Variants in ZNF676 observed in about 807,000 individuals in gnomAD.
ZNF676 encodes the protein zinc finger protein 676.
A neutral mutation model predicts 6.0 loss-of-function variants in ZNF676; 4 were observed. That is an observed-to-expected ratio of 0.67 (90% CI 0.33 to 1.53). The LOEUF (loss-of-function observed/expected upper bound fraction) is 1.53. Among genes scored for constraint, ZNF676 ranks in the 40% most tolerant of loss-of-function variants. The pLI is 0.06. For missense variants in ZNF676, 644 were observed against 679.7 expected (o/e 0.95, Z 0.58); for synonymous variants, 198 against 223.1 (o/e 0.89, Z 1.00).
At position 22,180,456 on chromosome 19, in the gene ZNF676, A is replaced by T. The variant is rs2023719023; in HGVS notation, c.1261T>A (p.Tyr421Asn). Residue 421 changes from tyrosine to asparagine, a missense_variant, in exon 3 of 3, where the codon TAC (tyrosine) becomes AAC (asparagine). This residue lies in a region of ZNF676 where 306 missense variants were observed against 265.4 expected (regional missense o/e 1.15). Transcript: ENST00000397121. ...GCTTTGCCACATTCTTCACACTTGT[A>T]GGGTTTCTCTCCAGTATGAATTCTC... ...HKRIHTGEKP[Y>N]KCEECGKAFS... 1 of 1,611,734 alleles carries T rather than the reference A, an allele frequency of 6.2e-7. No homozygotes were observed. The highest frequency in any genetic ancestry group is 8.5e-7 in the Non-Finnish European group (1 of 1,179,676).
chr19:22,221,733 A>G, the ZNF676 span, among the ~76,000 whole-genome samples: 1 of 137,142 alleles, frequency 7.3e-6, no homozygotes, highest in African/African-American at 2.8e-5. Context: ...CCTTGGTGAC[A>G]GAGCAAGACT....
upstream of ZNF676, among the ~76,000 whole-genome samples, chr19:22,217,321 G>A (rs1365046150): frequency 2.0e-5 from 3 of 152,162 alleles, no homozygotes; most frequent in African/African-American, 7.2e-5. Context: ...TCCTGCCTCA[G>A]CCTTCCCGAG....
At chr19:22,212,354 T>C (rs1363798107) in intron 1 of ZNF676, among the ~76,000 whole-genome samples, 1 of 152,130 alleles carries the variant, frequency 6.6e-6, no homozygotes, top group Non-Finnish European at 1.5e-5. Context: ...ATGCCCTTTG[T>C]AAATATTTTC....
the ZNF676 span, among the ~76,000 whole-genome samples, chr19:22,251,955 T>C: frequency 6.6e-6 from 1 of 152,238 alleles, no homozygotes; most frequent in African/African-American, 2.4e-5. Flanking sequence ...TTTACTTTAC[T>C]GTTGTGGATT....
At chr19:22,207,705 T>C (rs1165115808) in intron 1 of ZNF676, among the ~76,000 whole-genome samples, 1 of 152,030 alleles carries the variant, frequency 6.6e-6, no homozygotes, top group Non-Finnish European at 1.5e-5. Flanking sequence ...TACACAACAG[T>C]GCTACAGTAA....
At chr19:22,198,424 A>G (rs1477331089), upstream of ZNF676, among the ~76,000 whole-genome samples, 3 of 152,224 alleles carry the variant, frequency 2.0e-5, no homozygotes, top group African/African-American at 7.2e-5. Flanking sequence ...AAACACAGGT[A>G]CACAGAAGTA....
chr19:22,218,294 G>A (rs1412949557), upstream of ZNF676, among the ~76,000 whole-genome samples: 1 of 151,882 alleles, frequency 6.6e-6, no homozygotes, highest in African/African-American at 2.4e-5. Context: ...GATCCATCTT[G>A]AGTTGATTTT....
rs67699215 is a variant in ZNF676, at chr19:22,182,585, T to TAA, written c.131-1001_131-1000dup. Among the ~76,000 whole-genome samples the TAA allele has an allele frequency of 2.1e-3, 96 of 45,022 alleles. 1 individual carries two copies. In the East Asian group the frequency reaches 0.023, roughly 11 times the overall value. The allele number at this position is 45,022 out of a possible 152,430, so 29.5% of individuals were successfully genotyped here. A position where few individuals can be genotyped will look rare whatever the true frequency, so the allele number is the denominator to read the frequency against. ...GAACAGTGTGATATAGTCAAAGTTC[T>TAA]AAAAAAAAAAAAAAAAAGCAAACAA... On this transcript the variant is annotated intron_variant, in intron 2 of 2. Coordinates refer to ENST00000397121, the MANE Select transcript of ZNF676 (RefSeq NM_001001411.3).
the ZNF676 span, among the ~76,000 whole-genome samples, chr19:22,228,566 T>C: frequency 6.6e-6 from 1 of 152,290 alleles, no homozygotes; most frequent in East Asian, 1.9e-4. Flanking sequence ...AGTCAAATTG[T>C]CTCTGTTTGC....
the ZNF676 span, among the ~76,000 whole-genome samples, chr19:22,235,009 AAAGAAAGAAAGAAAG>A: frequency 8.3e-6 from 1 of 120,000 alleles, no homozygotes; most frequent in African/African-American, 3.3e-5. Context: ...AGAAAGAAAG[AAAGAAAGAAAGAAAG>A]AAAGAAAGAA....
chr19:22,254,104 T>G, the ZNF676 span, among the ~76,000 whole-genome samples: 3 of 152,280 alleles, frequency 2.0e-5, no homozygotes, highest in Non-Finnish European at 4.4e-5. Flanking sequence ...TCACATAGGT[T>G]TTTGGCAAAG....
intron 1 of ZNF676, among the ~76,000 whole-genome samples, chr19:22,215,243 C>T (rs1490864600): frequency 6.6e-6 from 1 of 152,014 alleles, no homozygotes; most frequent in African/African-American, 2.4e-5. Flanking sequence ...TTTTCGGCGA[C>T]TTCCATAAAT....
intron 1 of ZNF676, among the ~76,000 whole-genome samples, chr19:22,194,903 A>G (rs2023951315): frequency 6.6e-6 from 1 of 152,168 alleles, no homozygotes; most frequent in South Asian, 2.1e-4. Flanking sequence ...TACATTAGTT[A>G]TAGGAGACAA....
chr19:22,240,597 C>T, the ZNF676 span, among the ~76,000 whole-genome samples: 1 of 151,948 alleles, frequency 6.6e-6, no homozygotes, highest in Admixed American at 6.6e-5. Context: ...AGTTCAAGAC[C>T]AGCCTGACCA....
At chr19:22,248,380 T>C in the ZNF676 span, among the ~76,000 whole-genome samples, 3 of 152,252 alleles carry the variant, frequency 2.0e-5, no homozygotes, top group African/African-American at 7.2e-5. Flanking sequence ...AAAGTGTTCC[T>C]ATTTCTCCAC....
chr19:22,220,973 G>A, the ZNF676 span, among the ~76,000 whole-genome samples: 13 of 151,762 alleles, frequency 8.6e-5, no homozygotes, highest in African/African-American at 3.1e-4. Flanking sequence ...TGCTTTTCTG[G>A]GTTAATCTTA....
the ZNF676 span, among the ~76,000 whole-genome samples, chr19:22,230,341 C>G: frequency 2.4e-4 from 37 of 151,932 alleles, no homozygotes; most frequent in African/African-American, 9.0e-4. Context: ...CACACTGGGA[C>G]CTGTCAGCGG....
chr19:22,235,051 C>A, the ZNF676 span, among the ~76,000 whole-genome samples: 109 of 138,064 alleles, frequency 7.9e-4, no homozygotes, highest in African/African-American at 2.8e-3. Context: ...AGAAGGAAGG[C>A]AGAAAGGCAG....
At chr19:22,190,963 G>C (rs1319952358) in intron 2 of ZNF676, among the ~76,000 whole-genome samples, 1 of 151,696 alleles carries the variant, frequency 6.6e-6, no homozygotes, top group African/African-American at 2.4e-5. Flanking sequence ...AAAAGAAAAA[G>C]GTCCCCTATT....
Sources: allele counts gnomAD v4.1 joint callset (sites outside exome capture counted in the v4.1 genomes callset), GRCh38; gene constraint gnomAD v4.1.1; regional missense constraint gnomAD v4.1.1; transcripts MANE v1.5; gene names NCBI Gene and HGNC (gene_info 2026-07-23, HGNC 2026-07-21).